The following IBTK variants were observed in gnomAD, a reference collection of about 807,000 sequenced individuals.
IBTK encodes BTK-binding protein.
IBTK carries 83 observed loss-of-function variants against 154.9 expected under a neutral mutation model. The ratio of observed to expected loss-of-function variants is 0.54; its 90% CI spans 0.45 to 0.64. The LOEUF (loss-of-function observed/expected upper bound fraction) is 0.64, where lower values mean the gene tolerates loss of function less well. Among genes scored for constraint, IBTK ranks in the 30% least tolerant of loss-of-function variants. The pLI is 0.00. For synonymous variants in IBTK, 515 were observed against 536.1 expected, an observed-to-expected ratio of 0.96 and a Z score of 0.54; for missense variants, 1,332 against 1,584.6, an observed-to-expected ratio of 0.84 and a Z score of 2.71.
intron 12 of IBTK, 138 bp downstream of exon 12, chr6:82,214,088 TG>T: frequency 1.4e-6 from 1 of 718,230 alleles, no homozygotes; most frequent in Non-Finnish European, 2.3e-6. Flanking sequence ...CCTGAGTAGC[TG>T]GGACTACAGG....
rs1204950481 is a variant in IBTK, at chr6:82,172,439, C to A, written c.3871G>T (p.Glu1291Ter). Residue 1291 changes from glutamate to a stop codon, truncating the protein, a stop_gained, in exon 28 of 29, where the codon GAA becomes TAA. Coordinates refer to ENST00000306270, the MANE Select transcript of IBTK (RefSeq NM_015525.4). LOFTEE classifies it high-confidence loss of function. ...ATAAGAGCTGCTTCTTGTTGTAGTTCTTCTTCTACAATAGATGCAAAAGTG... is the reference window on the plus strand; with the variant it reads ...ATAAGAGCTGCTTCTTGTTGTAGTTATTCTTCTACAATAGATGCAAAAGTG... ...PVTFASIVEE[E>*]LQQEAALIRS... The A allele has an allele frequency of 6.2e-7, 1 of 1,613,682 alleles. No homozygotes were observed. The highest frequency in any genetic ancestry group is 8.5e-7 in the Non-Finnish European group (1 of 1,179,686).
At chr6:82,239,927 TG>T (rs1173585589) in intron 2 of IBTK, among the ~76,000 whole-genome samples, 1 of 152,200 alleles carries the variant, frequency 6.6e-6, no homozygotes, top group East Asian at 1.9e-4. Flanking sequence ...AACACAAAAT[TG>T]GCCAACAGTT....
intron 16 of IBTK, among the ~76,000 whole-genome samples, chr6:82,207,996 A>C (rs1769474495): frequency 6.6e-6 from 1 of 152,016 alleles, no homozygotes; most frequent in Admixed American, 6.6e-5. Flanking sequence ...AAAGAGTACA[A>C]AATTACAGTT....
At chr6:82,206,598 C>T (rs2127810516) in intron 16 of IBTK, among the ~76,000 whole-genome samples, 1 of 152,212 alleles carries the variant, frequency 6.6e-6, no homozygotes, top group Non-Finnish European at 1.5e-5. Context: ...CCAACTCAGA[C>T]AAGGAGGCCA....
Position 82,214,149 on chromosome 6 carries a change from G to T in IBTK, c.2204+78C>A. The T allele has an allele frequency of 2.9e-6, 4 of 1,367,728 alleles. No homozygotes were observed. The South Asian group carries it at 5.8e-5, about 20-fold the overall frequency. The allele number at this position is 1,367,728 out of a possible 1,614,324, so 84.7% of individuals were successfully genotyped here. A position where few individuals can be genotyped will look rare whatever the true frequency, so the allele number is the denominator to read the frequency against. ...TTTTTGTATTTTTAGTAGAGATGGG[G>T]TTTCACAGTAAGGGTGGGAAATTTT... On this transcript the variant is annotated intron_variant, in intron 12 of 28. Coordinates refer to ENST00000306270, the MANE Select transcript of IBTK (RefSeq NM_015525.4).
At chr6:82,194,449 AAC>A (rs1272643592) in intron 23 of IBTK, 28 bp downstream of exon 23, 1 of 1,362,424 alleles carries the variant, frequency 7.3e-7, no homozygotes, top group Admixed American at 2.6e-5. Flanking sequence ...TTCTCAAACT[AAC>A]AGTTATAGAA....
intron 2 of IBTK, among the ~76,000 whole-genome samples, chr6:82,237,653 A>G (rs115793475): frequency 6.6e-4 from 24 of 36,608 alleles, no homozygotes; most frequent in Middle Eastern, 0.016. Flanking sequence ...GTAGTAGAAG[A>G]TAGTAGTGGT....
intron 17 of IBTK, 36 bp downstream of exon 17, chr6:82,204,821 G>A (rs1203620757): frequency 7.9e-7 from 1 of 1,266,264 alleles, no homozygotes; most frequent in South Asian, 1.4e-5. Flanking sequence ...TGATGAACCT[G>A]AAAACATATT....
chr6:82,229,851 CT>C (rs1770441802), intron 4 of IBTK, among the ~76,000 whole-genome samples: 1 of 152,134 alleles, frequency 6.6e-6, no homozygotes, highest in African/African-American at 2.4e-5. Context: ...CTTTTCATTC[CT>C]ATATGGGTTT....
chr6:82,173,110 T>C (rs754302399), intron 27 of IBTK: 4 of 273,270 alleles, frequency 1.5e-5, no homozygotes, highest in Non-Finnish European at 2.0e-5. Context: ...CAAACGATTC[T>C]CCTGTCCTAG....
chr6:82,183,674 T>TA (rs543529768), intron 25 of IBTK, among the ~76,000 whole-genome samples: 35 of 152,052 alleles, frequency 2.3e-4, no homozygotes, highest in Admixed American at 1.1e-3. Context: ...AGCATTCTTT[T>TA]AAAAAAAATA....
chr6:82,231,070 T>C (rs116955187), intron 4 of IBTK, among the ~76,000 whole-genome samples: 165 of 152,272 alleles, frequency 1.1e-3, no homozygotes, highest in Non-Finnish European at 1.9e-3. Flanking sequence ...GACTTAGACA[T>C]TTAATTATTT....
At chr6:82,207,138 A>C (rs1472365961) in intron 16 of IBTK, among the ~76,000 whole-genome samples, 1 of 152,158 alleles carries the variant, frequency 6.6e-6, no homozygotes, top group Non-Finnish European at 1.5e-5. Flanking sequence ...GAAAGGCATA[A>C]GTAAAACCAT....
chr6:82,198,267 C>G (rs1029714187), intron 21 of IBTK, among the ~76,000 whole-genome samples: 1 of 152,086 alleles, frequency 6.6e-6, no homozygotes, highest in Non-Finnish European at 1.5e-5. Flanking sequence ...GACTGTCTAT[C>G]CATTATTCAT....
In IBTK at chr6:82,224,092, T is replaced by A; in HGVS notation, c.919A>T (p.Met307Leu). Residue 307 changes from methionine (M) to leucine (L), a missense_variant, in exon 7 of 29, where the codon ATG becomes TTG. Coordinates refer to ENST00000306270, the MANE Select transcript of IBTK (RefSeq NM_015525.4). Reference protein sequence around the residue: ...VLWTREAVYTMGLNGGQLGCL... With the variant: ...VLWTREAVYTLGLNGGQLGCL... ...CCCAGTTGTCCACCATTTAGTCCCA[T>A]AGTGTAAACAGCTTCTCTAGTCCAT... 3.7e-6 allele frequency: 6 copies of A among 1,603,676 alleles called. No individual in the cohort carries two copies. The highest frequency in any genetic ancestry group is 5.1e-6 in the Non-Finnish European group (6 of 1,171,050).
At chr6:82,244,983 A>G (rs575009696) in intron 1 of IBTK, among the ~76,000 whole-genome samples, 1 of 152,324 alleles carries the variant, frequency 6.6e-6, no homozygotes, top group Non-Finnish European at 1.5e-5. Flanking sequence ...ATTTTAGATA[A>G]AATAAAATAC....
chr6:82,220,861 T>C, intron 8 of IBTK, 148 bp from the exon 9 acceptor site: 1 of 657,814 alleles, frequency 1.5e-6, no homozygotes, highest in Non-Finnish European at 2.4e-6. Context: ...ATCTCTAGCC[T>C]TCCATTCTGT....
chr6:82,245,866 G>C (rs1378722694), intron 1 of IBTK, among the ~76,000 whole-genome samples: 5 of 152,098 alleles, frequency 3.3e-5, no homozygotes, highest in African/African-American at 1.2e-4. Context: ...AGAACAGATA[G>C]GGAAACTAGA....
intron 13 of IBTK, 147 bp from the exon 14 acceptor site, chr6:82,211,719 T>A: frequency 1.6e-6 from 1 of 641,740 alleles, no homozygotes; most frequent in South Asian, 2.0e-5. Context: ...AAATACTTCA[T>A]CTTTTTCCAC....
Sources: allele counts gnomAD v4.1 joint callset (sites outside exome capture counted in the v4.1 genomes callset), GRCh38; gene constraint gnomAD v4.1.1; transcripts MANE v1.5; gene names NCBI Gene and HGNC (gene_info 2026-07-23, HGNC 2026-07-21).